The following INVS variants were observed in gnomAD, a reference collection of about 807,000 sequenced individuals.
INVS encodes the protein inversion of embryo turning homolog.
INVS carries 86 observed loss-of-function variants against 108.8 expected under a neutral mutation model. The ratio of observed to expected loss-of-function variants is 0.79; its 90% CI spans 0.66 to 0.95. The LOEUF is 0.95. Ranked by LOEUF, INVS falls within the 40% of genes least tolerant of loss-of-function variation. INVS has a pLI of 0.00. For missense variants in INVS, 1,169 were observed against 1,297.4 expected, an observed-to-expected ratio of 0.90 and a Z score of 1.52; for synonymous variants, 455 against 473.5, an observed-to-expected ratio of 0.96 and a Z score of 0.51.
At chr9:100,165,286 T>C (rs966803096) in intron 3 of INVS, among the ~76,000 whole-genome samples, 1 of 152,168 alleles carries the variant, frequency 6.6e-6, no homozygotes, top group Non-Finnish European at 1.5e-5. Context: ...TTTATTATTA[T>C]GGTACATTCA....
At chr9:100,205,875 T>A (rs1830660801) in intron 3 of INVS, among the ~76,000 whole-genome samples, 1 of 152,078 alleles carries the variant, frequency 6.6e-6, no homozygotes, top group South Asian at 2.1e-4. Context: ...AAAATTGTGA[T>A]GATAGAACAT....
intron 5 of INVS, among the ~76,000 whole-genome samples, chr9:100,230,470 GT>G (rs1042305431): frequency 1.4e-5 from 2 of 146,326 alleles, no homozygotes; most frequent in African/African-American, 5.5e-5. Context: ...GTTTTGTTTT[GT>G]TTTTTTGCAG....
chr9:100,116,852 G>C, intron 2 of INVS: 4 of 1,250,748 alleles, frequency 3.2e-6, no homozygotes, highest in Non-Finnish European at 4.5e-6. Flanking sequence ...GGGAGACTTG[G>C]TAAATACAAT....
intron 3 of INVS, among the ~76,000 whole-genome samples, chr9:100,134,183 A>C (rs1828149213): frequency 6.6e-6 from 1 of 152,146 alleles, no homozygotes; most frequent in Non-Finnish European, 1.5e-5. Context: ...CAGTGAGAAC[A>C]TATGATGTTT....
intron 10 of INVS, among the ~76,000 whole-genome samples, chr9:100,255,041 A>G (rs559519223): frequency 5.1e-4 from 78 of 152,290 alleles, no homozygotes; most frequent in Non-Finnish European, 8.5e-4. Context: ...GATTCTTCCT[A>G]TCCATGAGCA....
intron 3 of INVS, among the ~76,000 whole-genome samples, chr9:100,179,922 A>G (rs1016489329): frequency 1.3e-5 from 2 of 152,212 alleles, no homozygotes; most frequent in Non-Finnish European, 2.9e-5. Flanking sequence ...ATGCAAAAGA[A>G]TGGAAATCGT....
rs938469332 is a variant in INVS, at chr9:100,301,577, A to G, written c.*903A>G. 5.9e-5 allele frequency among the ~76,000 whole-genome samples: 9 copies of G among 152,240 alleles called. No homozygotes were observed. The highest frequency in any genetic ancestry group is 2.2e-4 in the African/African-American group (9 of 41,456). ...AAACGGCACACATCCTAGCATTCTA[A>G]GAACACCTGGTTTAAATAAAATCCA... On this transcript the variant is annotated 3_prime_UTR_variant, in exon 17 of 17. Coordinates refer to ENST00000262457, the MANE Select transcript of INVS (RefSeq NM_014425.5).
In INVS at chr9:100,270,944, A is replaced by G. The variant is rs1190611836; in HGVS notation, c.1572-1920A>G. 2.0e-5 allele frequency among the ~76,000 whole-genome samples: 3 copies of G among 151,968 alleles called. No homozygotes were observed. In the East Asian group the frequency reaches 5.8e-4, roughly 29 times the overall value. ...ATCTCAAAAAAAAAGAAAAAAAAAA[A>G]AGAATGTGCCGAAAACAGCACACCT... On this transcript the variant is annotated intron_variant, in intron 11 of 16. Coordinates refer to ENST00000262457, the MANE Select transcript of INVS (RefSeq NM_014425.5).
chr9:100,122,166 A>C (rs967096937), intron 2 of INVS, among the ~76,000 whole-genome samples: 7 of 152,200 alleles, frequency 4.6e-5, no homozygotes, highest in African/African-American at 1.7e-4. Flanking sequence ...TGAAGTGTTA[A>C]ATAAATACCA....
At chr9:100,253,388 C>G (rs1168464876) in intron 10 of INVS, among the ~76,000 whole-genome samples, 1 of 150,314 alleles carries the variant, frequency 6.7e-6, no homozygotes, top group African/African-American at 2.5e-5. Flanking sequence ...CACATGTATG[C>G]ATCTATAAAC....
intron 3 of INVS, among the ~76,000 whole-genome samples, chr9:100,167,387 C>T (rs1302370923): frequency 6.6e-6 from 1 of 152,142 alleles, no homozygotes; most frequent in Non-Finnish European, 1.5e-5. Flanking sequence ...CAGTGCTGTT[C>T]CTCTAGTAGG....
intron 13 of INVS, among the ~76,000 whole-genome samples, chr9:100,291,969 T>C (rs1459166585): frequency 6.6e-6 from 1 of 152,252 alleles, no homozygotes; most frequent in East Asian, 1.9e-4. Flanking sequence ...AGACCATCTG[T>C]TGCCCACTCC....
At chr9:100,206,104 G>C (rs1400686024) in intron 3 of INVS, among the ~76,000 whole-genome samples, 1 of 152,078 alleles carries the variant, frequency 6.6e-6, no homozygotes, top group Non-Finnish European at 1.5e-5. Flanking sequence ...TAAGTAGTGA[G>C]AATACTTCTG....
intron 8 of INVS, among the ~76,000 whole-genome samples, chr9:100,252,037 A>G (rs1189977233): frequency 6.6e-6 from 1 of 152,228 alleles, no homozygotes; most frequent in Non-Finnish European, 1.5e-5. Context: ...TTTCAGACCA[A>G]CAGGATGGAA....
In INVS at chr9:100,154,440, G is replaced by A. The variant is rs934620508; in HGVS notation, c.273+27891G>A. Among the ~76,000 whole-genome samples, 8 of 138,836 alleles carry A rather than the reference G, an allele frequency of 5.8e-5. No individual in the cohort carries two copies. In the Admixed American group the frequency reaches 6.7e-4, roughly 12 times the overall value. The allele number at this position is 138,836 out of a possible 152,430, so 91.1% of individuals were successfully genotyped here. A position where few individuals can be genotyped will look rare whatever the true frequency, so the allele number is the denominator to read the frequency against. On this transcript the variant is annotated intron_variant, in intron 3 of 16. Coordinates refer to ENST00000262457, the MANE Select transcript of INVS (RefSeq NM_014425.5). ...CATCTGCCCTCTTCAGCCTCCCAAAGTGCTGGGATTACAGGTGTGTCCACC... is the reference window on the plus strand; with the variant it reads ...CATCTGCCCTCTTCAGCCTCCCAAAATGCTGGGATTACAGGTGTGTCCACC...
chr9:100,254,287 G>C (rs1351347337), intron 10 of INVS, among the ~76,000 whole-genome samples: 1 of 152,096 alleles, frequency 6.6e-6, no homozygotes, highest in African/African-American at 2.4e-5. Flanking sequence ...TTGTAAATTT[G>C]TTTAAGTTCT....
intron 5 of INVS, among the ~76,000 whole-genome samples, chr9:100,236,420 TGGA>T (rs1415659826): frequency 6.6e-6 from 1 of 152,224 alleles, no homozygotes; most frequent in African/African-American, 2.4e-5. Flanking sequence ...TGTGATCTTT[TGGA>T]GGAGAAGAGG....
chr9:100,267,885 G>A lies in INVS; in HGVS notation c.1571+2957G>A, dbSNP rs146838856. Among the ~76,000 whole-genome samples, 771 of 152,230 alleles carry A rather than the reference G, an allele frequency of 5.1e-3. 5 individuals carry two copies. The highest frequency in any genetic ancestry group is 0.014 in the Middle Eastern group (4 of 294). ...AAAATATATTTTTTGAGAAAATTGG[G>A]TAAATTTGATTATGAAGTGGTCCTT... On this transcript the variant is annotated intron_variant, in intron 11 of 16. Transcript: ENST00000262457.
At chr9:100,249,717 C>A (rs1832162737) in intron 8 of INVS, among the ~76,000 whole-genome samples, 1 of 149,248 alleles carries the variant, frequency 6.7e-6, no homozygotes, top group African/African-American at 2.5e-5. Flanking sequence ...TGGTCTTGAA[C>A]ATCTGACCTC....
Sources: gnomAD v4.1 joint callset for allele counts (sites outside exome capture counted in the v4.1 genomes callset) on GRCh38, gnomAD v4.1.1 for gene constraint, MANE v1.5 for transcripts, NCBI Gene and HGNC (gene_info 2026-07-23, HGNC 2026-07-21) for gene names.